SYT2: variants seen among roughly 807,000 people sequenced by gnomAD.
The protein encoded by SYT2 is synaptotagmin-2.
SYT2 carries 15 observed loss-of-function variants against 39.9 expected under a neutral mutation model. That is an observed-to-expected ratio of 0.38 (90% confidence interval 0.25 to 0.58). The LOEUF (loss-of-function observed/expected upper bound fraction) is 0.58. Among genes scored for constraint, SYT2 ranks in the 20% least tolerant of loss-of-function variants. The pLI, the probability that SYT2 is intolerant of heterozygous loss-of-function variation, is 0.70. For missense variants in SYT2, 389 were observed against 530.3 expected (o/e 0.73, Z 2.62); for synonymous variants, 181 against 204.5 (o/e 0.89, Z 0.98).
In SYT2 at chr1:202,601,793, T is replaced by C; in HGVS notation, c.801+97A>G. The C allele has an allele frequency of 7.4e-7, 1 of 1,343,432 alleles. No individual in the cohort carries two copies. Among genetic ancestry groups the C allele is most frequent in the Non-Finnish European group, 1.0e-6 (1 of 967,050 alleles). 83.2% of individuals were successfully genotyped at this position (1,343,432 alleles called of 1,614,324 possible). A position where few individuals can be genotyped will look rare whatever the true frequency, so the allele number is the denominator to read the frequency against. On this transcript the variant is annotated intron_variant, in intron 6 of 8. Transcript: ENST00000367268. The surrounding 1 kb of genome is among the most constrained non-coding windows in gnomAD (Gnocchi z 4.0). ...AGCTGGGATCCTAACACAGGTCGTC[T>C]GCCTCCAAAGCCCACCCTGTTTCCA... is the stretch of plus-strand genomic sequence containing the variant.
At position 202,614,444 on chromosome 1, in the gene SYT2, A is replaced by C. The variant is rs753799355; in HGVS notation, c.-17-8655T>G. 1.4e-4 allele frequency among the ~76,000 whole-genome samples: 21 copies of C among 152,234 alleles called. No individual in the cohort carries two copies. Among genetic ancestry groups the C allele is most frequent in the Non-Finnish European group, 2.8e-4 (19 of 68,040 alleles). On this transcript the variant is annotated intron_variant, in intron 1 of 8. Coordinates refer to ENST00000367268, the MANE Select transcript of SYT2 (RefSeq NM_177402.5). The surrounding 1 kb of genome is among the most constrained non-coding windows in gnomAD (Gnocchi z 4.0). ...GGAAGGTAAGGAATGGAGTAGAGAGAACAGATGTGAGAGACACATTCATTC... is the reference window on the plus strand; with the variant it reads ...GGAAGGTAAGGAATGGAGTAGAGAGCACAGATGTGAGAGACACATTCATTC...
intron 1 of SYT2, among the ~76,000 whole-genome samples, chr1:202,691,810 C>T (rs1653844024): frequency 7.5e-6 from 1 of 133,160 alleles, no homozygotes; most frequent in Non-Finnish European, 1.6e-5. Context: ...AGAAAAGGAG[C>T]TGGAGAATAG....
At chr1:202,620,458 A>G (rs1368920190) in intron 1 of SYT2, among the ~76,000 whole-genome samples, 2 of 151,024 alleles carry the variant, frequency 1.3e-5, no homozygotes, top group Non-Finnish European at 1.5e-5. Context: ...CTTATCCTTT[A>G]TCTTATCCTT....
chr1:202,591,831 C>T lies in SYT2; in HGVS notation c.*4926G>A, dbSNP rs1380305923. On this transcript the variant is annotated 3_prime_UTR_variant, in exon 9 of 9. Coordinates refer to ENST00000367268, the MANE Select transcript of SYT2 (RefSeq NM_177402.5). The stretch of plus-strand genomic sequence containing the variant: ...AAAATCCTGGTTGCCTCCACAGGGA[C>T]CCCAGGAAAGGTATCCAGAACCATG... 2 of 152,920 alleles carry T rather than the reference C, an allele frequency of 1.3e-5. No individual in the cohort carries two copies. The highest frequency in any genetic ancestry group is 3.9e-4 in the East Asian group (2 of 5,180). The allele number at this position is 152,920 out of a possible 1,614,324, so 9.5% of individuals were successfully genotyped here.
At chr1:202,655,141 G>C (rs1229369499) in intron 1 of SYT2, among the ~76,000 whole-genome samples, 1 of 152,180 alleles carries the variant, frequency 6.6e-6, no homozygotes, top group Non-Finnish European at 1.5e-5. Flanking sequence ...TGGAGTCGCT[G>C]AACATGCAGA....
At chr1:202,650,453 T>TTTTTA (rs1692170380) in intron 1 of SYT2, among the ~76,000 whole-genome samples, 1 of 151,358 alleles carries the variant, frequency 6.6e-6, no homozygotes, top group Non-Finnish European at 1.5e-5. Context: ...TTTTTTTTTT[T>TTTTTA]GAGACATAGT....
chr1:202,641,042 T>C (rs1691902959), intron 1 of SYT2, among the ~76,000 whole-genome samples: 1 of 152,360 alleles, frequency 6.6e-6, no homozygotes, highest in African/African-American at 2.4e-5. Flanking sequence ...ATATGCTTCT[T>C]GTTTAATCCT....
chr1:202,658,899 A>C (rs999518377), intron 1 of SYT2, among the ~76,000 whole-genome samples: 2 of 152,042 alleles, frequency 1.3e-5, no homozygotes, highest in African/African-American at 4.8e-5. Context: ...TTCCCTTCCT[A>C]AAAGCTGGGA....
chr1:202,666,664 T>G (rs1487855011), intron 1 of SYT2, among the ~76,000 whole-genome samples: 1 of 152,144 alleles, frequency 6.6e-6, no homozygotes, highest in Non-Finnish European at 1.5e-5. Context: ...CGGCCCCTAA[T>G]CCTCTTATTA....
intron 1 of SYT2, among the ~76,000 whole-genome samples, chr1:202,687,922 G>A (rs1653713381): frequency 1.3e-5 from 2 of 151,108 alleles, no homozygotes; most frequent in African/African-American, 4.8e-5. Context: ...AATAAGCAAG[G>A]GAAAAAAAAT....
chr1:202,704,237 T>C (rs572063740), intron 1 of SYT2, among the ~76,000 whole-genome samples: 2 of 152,146 alleles, frequency 1.3e-5, no homozygotes, highest in Non-Finnish European at 2.9e-5. Flanking sequence ...CCAGCCACCA[T>C]CAATGCTCCC....
At chr1:202,641,151 C>T (rs908040156) in intron 1 of SYT2, among the ~76,000 whole-genome samples, 4 of 152,198 alleles carry the variant, frequency 2.6e-5, no homozygotes, top group Admixed American at 6.5e-5. Flanking sequence ...GGTCACACAG[C>T]TAATAACCAG....
chr1:202,689,429 G>C (rs1037588372), intron 1 of SYT2, among the ~76,000 whole-genome samples: 5 of 152,160 alleles, frequency 3.3e-5, no homozygotes, highest in Non-Finnish European at 7.3e-5. Flanking sequence ...AATTCCTGCA[G>C]AGTCAGTGGG....
At chr1:202,626,526 CCACCATG>C (rs1192161414) in intron 1 of SYT2, among the ~76,000 whole-genome samples, 6 of 149,096 alleles carry the variant, frequency 4.0e-5, no homozygotes, top group Non-Finnish European at 8.9e-5. Flanking sequence ...TACAGGCGTA[CCACCATG>C]CCCGGCTCTT....
At chr1:202,642,971 G>C (rs1691962398) in intron 1 of SYT2, among the ~76,000 whole-genome samples, 1 of 152,246 alleles carries the variant, frequency 6.6e-6, no homozygotes, top group South Asian at 2.1e-4. Flanking sequence ...CGGGCTCTCC[G>C]CGGGGAGAGA....
At chr1:202,656,430 G>A (rs931935252) in intron 1 of SYT2, among the ~76,000 whole-genome samples, 5 of 152,204 alleles carry the variant, frequency 3.3e-5, no homozygotes, top group Non-Finnish European at 7.3e-5. Context: ...CTGTGAGCCT[G>A]AAACTTGGAG....
At chr1:202,603,211 G>T in intron 3 of SYT2, 93 bp from the exon 4 acceptor site, 3 of 1,517,416 alleles carry the variant, frequency 2.0e-6, no homozygotes, top group East Asian at 4.5e-5. Flanking sequence ...GCCCCTCTGT[G>T]GTAGACCCTG....
chr1:202,595,511 C>T lies in SYT2; in HGVS notation c.*1246G>A, dbSNP rs899178959. 1.2e-4 allele frequency: 18 copies of T among 152,234 alleles called. No homozygotes were observed. Among genetic ancestry groups the T allele is most frequent in the African/African-American group, 4.1e-4 (17 of 41,444 alleles). The allele number at this position is 152,234 out of a possible 1,614,324, so 9.4% of individuals were successfully genotyped here. A position where few individuals can be genotyped will look rare whatever the true frequency, so the allele number is the denominator to read the frequency against. On this transcript the variant is annotated 3_prime_UTR_variant, in exon 9 of 9. Coordinates refer to ENST00000367268, the MANE Select transcript of SYT2 (RefSeq NM_177402.5). ...GGAGTCGGGGGAATTCCAGTGCTCC[C>T]CTATATCTCCTCCCAAGGGATCTCA...
intron 1 of SYT2, among the ~76,000 whole-genome samples, chr1:202,698,303 G>A (rs1337747493): frequency 6.6e-6 from 1 of 152,144 alleles, no homozygotes; most frequent in African/African-American, 2.4e-5. Context: ...GGAGCCACGT[G>A]CCAGGGCAAT....
Sources: allele counts gnomAD v4.1 joint callset (sites outside exome capture counted in the v4.1 genomes callset), GRCh38; gene constraint gnomAD v4.1.1; non-coding constraint Gnocchi (gnomAD v3.1); transcripts MANE v1.5; gene names NCBI Gene and HGNC (gene_info 2026-07-23, HGNC 2026-07-21).